The following ADAMTS18 variants were observed in gnomAD, a reference collection of about 807,000 sequenced individuals.
The protein encoded by ADAMTS18 is ADAM metallopeptidase with thrombospondin type 1 motif 18.
Under a neutral mutation model 165.9 loss-of-function variants are expected in ADAMTS18, and 157 were observed. That is an observed-to-expected ratio of 0.95 (90% CI 0.83 to 1.08). The LOEUF (loss-of-function observed/expected upper bound fraction) is 1.08, where lower values mean the gene tolerates loss of function less well. ADAMTS18 is among the 50% of genes least tolerant of loss of function. ADAMTS18 has a pLI of 0.00. For synonymous variants in ADAMTS18, 782 were observed against 578.2 expected (o/e 1.35, Z -5.06); for missense variants, 2,040 against 1,534.0 (o/e 1.33, Z -5.51).
At chr16:77,363,575 T>C (rs2056747323) in intron 6 of ADAMTS18, among the ~76,000 whole-genome samples, 1 of 151,238 alleles carries the variant, frequency 6.6e-6, no homozygotes, top group African/African-American at 2.4e-5. Flanking sequence ...ATTATTTATG[T>C]ATACATATGC....
At chr16:77,337,757 A>G (rs77496681) in intron 11 of ADAMTS18, among the ~76,000 whole-genome samples, 1 of 152,168 alleles carries the variant, frequency 6.6e-6, no homozygotes, top group African/African-American at 2.4e-5. Context: ...CACTGTCTCC[A>G]TTTGGCCTTT....
intron 3 of ADAMTS18, among the ~76,000 whole-genome samples, chr16:77,390,889 T>C (rs2057177453): frequency 6.6e-6 from 1 of 152,090 alleles, no homozygotes; most frequent in African/African-American, 2.4e-5. Context: ...AAGTGCCCAG[T>C]AGCCACGTGG....
chr16:77,432,194 T>C (rs991484192), intron 2 of ADAMTS18, among the ~76,000 whole-genome samples: 3 of 152,192 alleles, frequency 2.0e-5, no homozygotes, highest in African/African-American at 7.2e-5. Context: ...TATTTATGTG[T>C]GATAAGAAAA....
At chr16:77,386,156 C>G (rs1285437226) in intron 3 of ADAMTS18, among the ~76,000 whole-genome samples, 1 of 152,156 alleles carries the variant, frequency 6.6e-6, no homozygotes, top group Admixed American at 6.5e-5. Context: ...CGCAAGACAG[C>G]AAGCTCCCTG....
intron 4 of ADAMTS18, among the ~76,000 whole-genome samples, chr16:77,364,664 G>C (rs752745037): frequency 4.1e-5 from 6 of 147,626 alleles, no homozygotes; most frequent in Non-Finnish European, 6.0e-5. Context: ...TGGATAAATG[G>C]GTAGGTGGGT....
At chr16:77,411,966 G>A (rs1013457688) in intron 3 of ADAMTS18, among the ~76,000 whole-genome samples, 2 of 151,950 alleles carry the variant, frequency 1.3e-5, no homozygotes, top group African/African-American at 4.8e-5. Flanking sequence ...GGGATTACAG[G>A]CAGGAGCCAC....
intron 3 of ADAMTS18, among the ~76,000 whole-genome samples, chr16:77,374,094 C>T (rs1056802421): frequency 6.6e-6 from 1 of 151,706 alleles, no homozygotes; most frequent in Non-Finnish European, 1.5e-5. Context: ...TGGCAGGCAC[C>T]TGTAATCCCA....
chr16:77,317,514 A>G (rs2055909240), intron 16 of ADAMTS18, among the ~76,000 whole-genome samples: 1 of 152,182 alleles, frequency 6.6e-6, no homozygotes, highest in Non-Finnish European at 1.5e-5. Context: ...TTGTATTTTT[A>G]GTAGAGATGG....
chr16:77,402,911 C>A (rs1250475849), intron 3 of ADAMTS18, among the ~76,000 whole-genome samples: 1 of 152,226 alleles, frequency 6.6e-6, no homozygotes, highest in Non-Finnish European at 1.5e-5. Context: ...CCAAATGTCA[C>A]TGAAACACAA....
At chr16:77,382,131 C>T (rs1204570590) in intron 3 of ADAMTS18, among the ~76,000 whole-genome samples, 1 of 152,184 alleles carries the variant, frequency 6.6e-6, no homozygotes. Context: ...GACATATCCA[C>T]AATAATAAAA....
chr16:77,402,247 T>C (rs2057341088), intron 3 of ADAMTS18, among the ~76,000 whole-genome samples: 1 of 152,212 alleles, frequency 6.6e-6, no homozygotes, highest in South Asian at 2.1e-4. Flanking sequence ...TTCCTAAGTT[T>C]CCTGCTGCAG....
intron 3 of ADAMTS18, among the ~76,000 whole-genome samples, chr16:77,406,563 A>G (rs1392405383): frequency 6.6e-6 from 1 of 152,102 alleles, no homozygotes; most frequent in Non-Finnish European, 1.5e-5. Context: ...CATAGGAAAC[A>G]TGATTGTATA....
In ADAMTS18 at chr16:77,363,878, C is replaced by T. The variant is rs1181300464; in HGVS notation, c.980G>A (p.Gly327Asp). The T allele has an allele frequency of 1.9e-6, 3 of 1,613,824 alleles. No homozygotes were observed. In the East Asian group the frequency reaches 6.7e-5, roughly 36 times the overall value. Residue 327 changes from glycine (G) to aspartate (D), a missense_variant, in exon 6 of 23, where the codon GGC becomes GAC. Physicochemically the swap from Gly to Asp is moderately conservative, Grantham distance 94 (BLOSUM62 -1). Transcript: ENST00000282849. Reference sequence around the variant, plus strand: ...TCCAATAGTCCCATCTTTAAATAGGCCAGAAACCTGTTGGAACAATGGAAA... The same window carrying T: ...TCCAATAGTCCCATCTTTAAATAGGTCAGAAACCTGTTGGAACAATGGAAA... ...YILTVMNMVS[G>D]LFKDGTIGSD...
chr16:77,359,417 G>T lies in ADAMTS18; in HGVS notation c.1223C>A (p.Ala408Asp). The change falls in exon 8 of 23, where the codon GCC becomes GAC. Residue 408 changes from alanine (A) to aspartate (D), a missense_variant. Transcript: ENST00000282849. The stretch of plus-strand genomic sequence containing the variant: ...CTTAGAGCACATTCCACTGATGGGG[G>T]CAAACCCTATTGAAAGAGCAGTTTC... Reference protein sequence around the residue: ...KNEPCDTLGFAPISGMCSKYR... With the variant: ...KNEPCDTLGFDPISGMCSKYR... The T allele has an allele frequency of 6.2e-7, 1 of 1,613,136 alleles. No homozygotes were observed. The highest frequency in any genetic ancestry group is 2.2e-5 in the East Asian group (1 of 44,876).
At chr16:77,298,739 C>G (rs532930187) in intron 17 of ADAMTS18, among the ~76,000 whole-genome samples, 43 of 151,854 alleles carry the variant, frequency 2.8e-4, no homozygotes, top group Non-Finnish European at 5.6e-4. Context: ...CAGCAGTGAG[C>G]CGTAATTGTG....
intron 3 of ADAMTS18, among the ~76,000 whole-genome samples, chr16:77,375,594 G>A (rs977329582): frequency 3.3e-5 from 5 of 152,138 alleles, no homozygotes; most frequent in Admixed American, 6.5e-5. Context: ...GCTAAGGAGC[G>A]GAAGGGGTGG....
rs1321480397 is a variant in ADAMTS18, at chr16:77,282,859, A to C, written c.*1097T>G. The C allele has an allele frequency of 6.6e-6, 1 of 151,744 alleles. No homozygotes were observed. Among genetic ancestry groups the C allele is most frequent in the African/African-American group, 2.4e-5 (1 of 41,192 alleles). The allele number at this position is 151,744 out of a possible 1,614,324, so 9.4% of individuals were successfully genotyped here. ...ATTTATTAATATTAACATAGCAAGA[A>C]GACAGATGGATTTTTTTATTACCAC... On this transcript the variant is annotated 3_prime_UTR_variant, in exon 23 of 23. Coordinates refer to ENST00000282849, the MANE Select transcript of ADAMTS18 (RefSeq NM_199355.4).
intron 20 of ADAMTS18, among the ~76,000 whole-genome samples, chr16:77,292,553 T>G (rs2055384072): frequency 6.6e-6 from 1 of 152,224 alleles, no homozygotes; most frequent in South Asian, 2.1e-4. Flanking sequence ...AAAGACCGGC[T>G]TGGGTGAAGC....
chr16:77,356,122 T>C (rs1234106893), intron 8 of ADAMTS18, 45 bp from the exon 9 acceptor site: 1 of 1,613,338 alleles, frequency 6.2e-7, no homozygotes, highest in African/African-American at 1.3e-5. Context: ...GTGAACCCAT[T>C]TTTTTGAAGG....
Sources: gnomAD v4.1 joint callset for allele counts (sites outside exome capture counted in the v4.1 genomes callset) on GRCh38, gnomAD v4.1.1 for gene constraint, MANE v1.5 for transcripts, NCBI Gene and HGNC (gene_info 2026-07-23, HGNC 2026-07-21) for gene names.